Variants in CDK14 observed in about 807,000 individuals in gnomAD.
CDK14 encodes the protein cyclin-dependent kinase 14.
CDK14 carries 34 observed loss-of-function variants against 60.7 expected under a neutral mutation model. The observed-to-expected ratio is 0.56, with a 90% CI of 0.43 to 0.75. The LOEUF (loss-of-function observed/expected upper bound fraction) is 0.75, where lower values mean the gene tolerates loss of function less well. Ranked by LOEUF, CDK14 falls within the 30% of genes least tolerant of loss-of-function variation. CDK14 has a pLI of 0.00. For synonymous variants in CDK14, 197 were observed against 203.7 expected (o/e 0.97, Z 0.28); for missense variants, 482 against 564.1 (o/e 0.85, Z 1.47).
chr7:90,975,006 T>C (rs1251954389), intron 9 of CDK14, among the ~76,000 whole-genome samples: 1 of 152,172 alleles, frequency 6.6e-6, no homozygotes, highest in Non-Finnish European at 1.5e-5. Flanking sequence ...CAAATCTTTG[T>C]TCTGAGAAAG....
intron 5 of CDK14, among the ~76,000 whole-genome samples, chr7:90,843,834 C>G (rs528736759): frequency 1.3e-5 from 2 of 152,112 alleles, no homozygotes; most frequent in Non-Finnish European, 2.9e-5. Context: ...GCTTTTTATG[C>G]TATTCCTGCC....
chr7:90,731,646 G>T (rs1389840447), intron 3 of CDK14, among the ~76,000 whole-genome samples: 3 of 152,134 alleles, frequency 2.0e-5, no homozygotes, highest in African/African-American at 7.2e-5. Flanking sequence ...CTGTTTGTCT[G>T]TTATTGGTGT....
chr7:90,915,328 A>G (rs1793045032), intron 7 of CDK14, among the ~76,000 whole-genome samples: 1 of 152,174 alleles, frequency 6.6e-6, no homozygotes, highest in Non-Finnish European at 1.5e-5. Context: ...AGTCCCTGCT[A>G]CTTGGGAAGC....
intron 14 of CDK14, among the ~76,000 whole-genome samples, chr7:91,151,501 G>A (rs1800826761): frequency 6.6e-6 from 1 of 152,122 alleles, no homozygotes; most frequent in South Asian, 2.1e-4. Flanking sequence ...CCAGAGTTAT[G>A]ATGGGGTTTC....
intron 6 of CDK14, among the ~76,000 whole-genome samples, chr7:90,894,432 C>A (rs890315432): frequency 6.6e-5 from 10 of 152,014 alleles, no homozygotes; most frequent in African/African-American, 2.2e-4. Flanking sequence ...GTTTTCGTGC[C>A]CTACATCTAA....
At chr7:91,107,038 A>G (rs1488103386) in intron 12 of CDK14, among the ~76,000 whole-genome samples, 1 of 152,170 alleles carries the variant, frequency 6.6e-6, no homozygotes, top group Non-Finnish European at 1.5e-5. Flanking sequence ...ATTTTACAAG[A>G]GTTTTGACCT....
At chr7:90,774,411 C>T (rs556111792) in intron 4 of CDK14, among the ~76,000 whole-genome samples, 2 of 152,232 alleles carry the variant, frequency 1.3e-5, no homozygotes, top group South Asian at 4.1e-4. Flanking sequence ...GAGTGACACC[C>T]TTATTTTTAG....
At chr7:90,931,937 T>G (rs919323762) in intron 8 of CDK14, among the ~76,000 whole-genome samples, 1 of 152,228 alleles carries the variant, frequency 6.6e-6, no homozygotes, top group Admixed American at 6.5e-5. Flanking sequence ...ATACGTTTTT[T>G]TTTCTTACAA....
intron 14 of CDK14, among the ~76,000 whole-genome samples, chr7:91,120,725 C>T (rs1043329342): frequency 1.4e-4 from 21 of 151,988 alleles, no homozygotes; most frequent in African/African-American, 2.7e-4. Flanking sequence ...TTAGTAGAGA[C>T]GGGGTTTTGC....
At chr7:90,757,142 A>G (rs1804095106) in intron 4 of CDK14, among the ~76,000 whole-genome samples, 1 of 149,866 alleles carries the variant, frequency 6.7e-6, no homozygotes, top group Non-Finnish European at 1.5e-5. Context: ...TGTGCTGGCA[A>G]TTTTGGGCAT....
intron 4 of CDK14, among the ~76,000 whole-genome samples, chr7:90,751,011 T>C (rs767019418): frequency 6.6e-6 from 1 of 152,018 alleles, no homozygotes; most frequent in Non-Finnish European, 1.5e-5. Flanking sequence ...ATGAACAAAA[T>C]CTTTGAGAAA....
intron 6 of CDK14, among the ~76,000 whole-genome samples, chr7:90,891,487 T>C (rs756031681): frequency 1.3e-5 from 2 of 152,260 alleles, no homozygotes; most frequent in Non-Finnish European, 2.9e-5. Flanking sequence ...TTGTAGTCTT[T>C]CTGTATCCTT....
At chr7:91,142,564 T>C (rs572730553) in intron 14 of CDK14, among the ~76,000 whole-genome samples, 11 of 152,370 alleles carry the variant, frequency 7.2e-5, no homozygotes, top group Admixed American at 6.5e-4. Context: ...TCTAGGCCAC[T>C]TCACTCAAGT....
chr7:91,140,782 G>T (rs528917505), intron 14 of CDK14, among the ~76,000 whole-genome samples: 1 of 152,220 alleles, frequency 6.6e-6, no homozygotes, highest in Non-Finnish European at 1.5e-5. Context: ...ATACTTGCTT[G>T]CTCCGTAACA....
chr7:90,664,701 A>T (rs918339401), intron 2 of CDK14, among the ~76,000 whole-genome samples: 1 of 150,532 alleles, frequency 6.6e-6, no homozygotes, highest in Non-Finnish European at 1.5e-5. Context: ...AAAAAACCAA[A>T]CACGGCATGT....
chr7:90,647,390 T>C (rs974571589), intron 2 of CDK14, among the ~76,000 whole-genome samples: 11 of 152,320 alleles, frequency 7.2e-5, no homozygotes, highest in African/African-American at 2.6e-4. Context: ...CTTTGCTTGC[T>C]TTACAATGTT....
At chr7:90,933,101 C>T (rs945994157) in intron 8 of CDK14, among the ~76,000 whole-genome samples, 6 of 151,780 alleles carry the variant, frequency 4.0e-5, no homozygotes, top group Non-Finnish European at 5.9e-5. Flanking sequence ...GCACTTTGGG[C>T]GACTAAGGCA....
At chr7:91,112,105 A>T (rs546716862) in intron 12 of CDK14, among the ~76,000 whole-genome samples, 3 of 152,340 alleles carry the variant, frequency 2.0e-5, no homozygotes, top group Non-Finnish European at 4.4e-5. Context: ...CTTAGAGGAA[A>T]AGAAACTTTA....
chr7:90,646,918 T>A (rs1800482336), intron 2 of CDK14, among the ~76,000 whole-genome samples: 1 of 152,210 alleles, frequency 6.6e-6, no homozygotes, highest in African/African-American at 2.4e-5. Context: ...TTTAAAATTA[T>A]AATACTATAT....
Sources: gnomAD v4.1 joint callset for allele counts (sites outside exome capture counted in the v4.1 genomes callset) on GRCh38, gnomAD v4.1.1 for gene constraint, MANE v1.5 for transcripts, NCBI Gene and HGNC (gene_info 2026-07-23, HGNC 2026-07-21) for gene names.